Variants in PALLD observed in about 807,000 individuals in gnomAD.
PALLD encodes the protein palladin.
A neutral mutation model predicts 123.5 loss-of-function variants in PALLD; 61 were observed. That is an observed-to-expected ratio of 0.49 (90% CI 0.40 to 0.61). The LOEUF is 0.61. PALLD is among the 20% of genes least tolerant of loss of function. The pLI, the probability that PALLD is intolerant of heterozygous loss-of-function variation, is 0.00. For missense variants in PALLD, 1,273 were observed against 1,377.0 expected, an observed-to-expected ratio of 0.92 and a Z score of 1.20; for synonymous variants, 465 against 496.4, an observed-to-expected ratio of 0.94 and a Z score of 0.84.
intron 10 of PALLD, among the ~76,000 whole-genome samples, chr4:168,870,893 G>A (rs1233782817): frequency 2.0e-5 from 3 of 152,184 alleles, no homozygotes; most frequent in East Asian, 3.8e-4. Context: ...AAATGCAATT[G>A]TGTGTTGCTG....
intron 15 of PALLD, among the ~76,000 whole-genome samples, chr4:168,906,583 A>C (rs1757846251): frequency 6.6e-6 from 1 of 152,162 alleles, no homozygotes; most frequent in East Asian, 1.9e-4. Flanking sequence ...GTACCCCACA[A>C]ATATATACAA....
At chr4:168,749,581 G>A (rs537962534) in intron 10 of PALLD, among the ~76,000 whole-genome samples, 46 of 152,182 alleles carry the variant, frequency 3.0e-4, no homozygotes, top group African/African-American at 1.1e-3. Context: ...ATGGGCACCT[G>A]TAATCCCAGA....
chr4:168,514,083 C>T (rs1313892177), intron 2 of PALLD, among the ~76,000 whole-genome samples: 1 of 151,758 alleles, frequency 6.6e-6, no homozygotes, highest in Non-Finnish European at 1.5e-5. Flanking sequence ...TCCACTCCAG[C>T]CTGGGTGACA....
At chr4:168,653,552 G>A (rs1778258746) in intron 2 of PALLD, among the ~76,000 whole-genome samples, 1 of 152,184 alleles carries the variant, frequency 6.6e-6, no homozygotes. Context: ...GGAGAGATAT[G>A]GCTGAGGCAG....
intron 10 of PALLD, among the ~76,000 whole-genome samples, chr4:168,866,144 A>C (rs112706689): frequency 6.6e-6 from 1 of 152,062 alleles, no homozygotes; most frequent in Non-Finnish European, 1.5e-5. Flanking sequence ...ACACACCAGT[A>C]GTTCCAGCTG....
rs570899657 is a variant in PALLD, at chr4:168,893,869, G to A, written c.2101-710G>A. On this transcript the variant is annotated intron_variant, in intron 11 of 21. Coordinates refer to ENST00000505667, the MANE Select transcript of PALLD (RefSeq NM_001166108.2). ...CCTGATGGGCAAGCAGTCTGCTTCT[G>A]GGTCAAGTCAATTGAGGCTGTTAGC... 3.9e-5 allele frequency among the ~76,000 whole-genome samples: 6 copies of A among 152,322 alleles called. No homozygotes were observed. The East Asian group carries it at 1.2e-3, about 29-fold the overall frequency.
chr4:168,681,317 T>A lies in PALLD; in HGVS notation c.1088-15T>A. On this transcript the variant is annotated splice_polypyrimidine_tract_variant and intron_variant, in intron 3 of 21. Transcript: ENST00000505667. ...TGATATCTTAACTTTACCATTATCTTTAATACTTTCCCAGGTGCCAGTTCA... is the reference window on the plus strand; with the variant it reads ...TGATATCTTAACTTTACCATTATCTATAATACTTTCCCAGGTGCCAGTTCA... The A allele has an allele frequency of 1.3e-6, 2 of 1,524,434 alleles. No individual in the cohort carries two copies. The highest frequency in any genetic ancestry group is 1.8e-6 in the Non-Finnish European group (2 of 1,098,760). The allele number at this position is 1,524,434 out of a possible 1,614,324, so 94.4% of individuals were successfully genotyped here. A position where few individuals can be genotyped will look rare whatever the true frequency, so the allele number is the denominator to read the frequency against.
intron 10 of PALLD, among the ~76,000 whole-genome samples, chr4:168,761,658 T>TTTTTG (rs1561493932): frequency 2.6e-4 from 11 of 43,070 alleles, no homozygotes; most frequent in Admixed American, 5.5e-4. Context: ...TTTTTTTTTT[T>TTTTTG]TTTTTTTTTT....
intron 6 of PALLD, among the ~76,000 whole-genome samples, chr4:168,686,180 T>C (rs5021494): frequency 0.23 from 35,126 of 152,096 alleles, 5,706 homozygotes; most frequent in African/African-American, 0.46. Context: ...GCTAAAATTC[T>C]AGCAGCTTCC....
intron 10 of PALLD, among the ~76,000 whole-genome samples, chr4:168,746,380 CAAAAAAAAAAAAAAAAAA>C (rs747755592): frequency 2.7e-5 from 1 of 37,018 alleles, no homozygotes; most frequent in South Asian, 2.3e-3. Context: ...GAACCCGTCT[CAAAAAAAAAAAAAAAAAA>C]AAAAAAAAAA....
chr4:168,790,362 A>G (rs1041743200), intron 10 of PALLD, among the ~76,000 whole-genome samples: 1 of 150,798 alleles, frequency 6.6e-6, no homozygotes, highest in Non-Finnish European at 1.5e-5. Context: ...GGATTTCACC[A>G]TATTGTCCAG....
intron 10 of PALLD, among the ~76,000 whole-genome samples, chr4:168,794,487 C>CGT: frequency 6.9e-6 from 1 of 144,202 alleles, no homozygotes; most frequent in Non-Finnish European, 1.5e-5. Context: ...CGCACACACA[C>CGT]ATGCACGCAC....
At chr4:168,666,315 A>C (rs893735246) in intron 2 of PALLD, among the ~76,000 whole-genome samples, 1 of 152,216 alleles carries the variant, frequency 6.6e-6, no homozygotes, top group African/African-American at 2.4e-5. Context: ...GAAACACTCT[A>C]ATTCACAGAC....
At chr4:168,564,933 C>T (rs1166640165) in intron 2 of PALLD, among the ~76,000 whole-genome samples, 4 of 151,234 alleles carry the variant, frequency 2.6e-5, no homozygotes, top group Admixed American at 6.6e-5. Context: ...GGCTCATGCC[C>T]GTAATCCCAG....
chr4:168,896,672 G>A (rs969824644), intron 13 of PALLD, 73 bp downstream of exon 13: 18 of 831,030 alleles, frequency 2.2e-5, no homozygotes, highest in East Asian at 8.0e-5. Context: ...CCTGTTTTAC[G>A]TGTGTTTCTA....
intron 10 of PALLD, among the ~76,000 whole-genome samples, chr4:168,782,291 C>T (rs17614733): frequency 0.15 from 22,838 of 152,066 alleles, 2,129 homozygotes; most frequent in Non-Finnish European, 0.21. Flanking sequence ...TGATGTAGAG[C>T]GAATTATATG....
At chr4:168,533,957 C>T (rs1263599250) in intron 2 of PALLD, among the ~76,000 whole-genome samples, 2 of 152,124 alleles carry the variant, frequency 1.3e-5, no homozygotes, top group East Asian at 1.9e-4. Flanking sequence ...GTCATTTCTT[C>T]TTCAGGAATT....
chr4:168,788,884 A>C (rs1737121899), intron 10 of PALLD, among the ~76,000 whole-genome samples: 2 of 152,238 alleles, frequency 1.3e-5, no homozygotes, highest in Non-Finnish European at 2.9e-5. Flanking sequence ...GAATGAGTAA[A>C]GCATGATTAA....
chr4:168,711,553 T>G, intron 9 of PALLD, 28 bp from the exon 10 acceptor site: 1 of 1,499,578 alleles, frequency 6.7e-7, no homozygotes, highest in Non-Finnish European at 9.3e-7. Flanking sequence ...CATCTTCTTA[T>G]GTTTTTCCTC....
Sources: allele counts gnomAD v4.1 joint callset (sites outside exome capture counted in the v4.1 genomes callset), GRCh38; gene constraint gnomAD v4.1.1; transcripts MANE v1.5; gene names NCBI Gene and HGNC (gene_info 2026-07-23, HGNC 2026-07-21).